IFT88: variants seen among roughly 807,000 people sequenced by gnomAD.
IFT88 encodes intraflagellar transport 88.
IFT88 carries 74 observed loss-of-function variants against 119.5 expected under a neutral mutation model. The ratio of observed to expected loss-of-function variants is 0.62; its 90% confidence interval spans 0.51 to 0.75. IFT88 has a LOEUF of 0.75. Among genes scored for constraint, IFT88 ranks in the 30% least tolerant of loss-of-function variants. The probability of loss-of-function intolerance (pLI) is 0.00; values close to 1 mark genes in which losing one functional copy is unlikely to be tolerated. For synonymous variants in IFT88, 279 were observed against 316.7 expected (o/e 0.88, Z 1.26); for missense variants, 961 against 977.7 (o/e 0.98, Z 0.23).
intron 21 of IFT88, among the ~76,000 whole-genome samples, chr13:20,655,296 G>A (rs1044900173): frequency 6.6e-6 from 1 of 151,928 alleles, no homozygotes; most frequent in Non-Finnish European, 1.5e-5. Context: ...GCTGGGCTTG[G>A]TGGTGCACGC....
At chr13:20,628,513 C>CT (rs1309915142) in intron 15 of IFT88, among the ~76,000 whole-genome samples, 1 of 152,076 alleles carries the variant, frequency 6.6e-6, no homozygotes, top group East Asian at 1.9e-4. Flanking sequence ...TTTGACTGAA[C>CT]TTTTATCAGT....
rs901490912 is a variant in IFT88, at chr13:20,607,604, C to A, written c.1112+2499C>A. On this transcript the variant is annotated intron_variant, in intron 13 of 25. Transcript: ENST00000351808. Reference sequence around the variant, plus strand: ...GGATCCACCATCTCCCGCTGCTCAACATCTTGGGCTGCCACGCTGTTTTTT... The same window carrying A: ...GGATCCACCATCTCCCGCTGCTCAAAATCTTGGGCTGCCACGCTGTTTTTT... 9 of 761,046 alleles carry A rather than the reference C, an allele frequency of 1.2e-5. No homozygotes were observed. In the African/African-American group the frequency reaches 1.4e-4, roughly 12 times the overall value. The allele number at this position is 761,046 out of a possible 1,614,324, so 47.1% of individuals were successfully genotyped here. A position where few individuals can be genotyped will look rare whatever the true frequency, so the allele number is the denominator to read the frequency against.
chr13:20,684,066 A>G (rs1480982452), intron 24 of IFT88, among the ~76,000 whole-genome samples: 1 of 152,230 alleles, frequency 6.6e-6, no homozygotes, highest in Non-Finnish European at 1.5e-5. Flanking sequence ...GTCCATATTG[A>G]TTAATAGCTG....
chr13:20,633,727 G>A (rs1169764407), intron 16 of IFT88, among the ~76,000 whole-genome samples: 1 of 152,122 alleles, frequency 6.6e-6, no homozygotes, highest in Non-Finnish European at 1.5e-5. Context: ...TCTTATACTT[G>A]GTTCTGAAGA....
rs528587128 is a variant in IFT88 at position 20,626,043 on chromosome 13, C to CTTTTTTTTTTTTT, written c.1299+217_1299+229dup. Among the ~76,000 whole-genome samples, 3 of 39,574 alleles carry CTTTTTTTTTTTTT rather than the reference C, an allele frequency of 7.6e-5. 1 individual carries two copies. Among genetic ancestry groups the CTTTTTTTTTTTTT allele is most frequent in the African/African-American group, 2.3e-4 (2 of 8,582 alleles). The allele number at this position is 39,574 out of a possible 152,430, so 26.0% of individuals were successfully genotyped here. On this transcript the variant is annotated intron_variant, in intron 15 of 25. Transcript: ENST00000351808. Reference sequence around the variant, plus strand: ...ATTAATTTTTGCCTGTTTGTCGTTTCTTTTTTTTTTTTTTTTTTTTTTTTT... The same window carrying CTTTTTTTTTTTTT: ...ATTAATTTTTGCCTGTTTGTCGTTTCTTTTTTTTTTTTTTTTTTTTTTTTTTTTTTTTTTTTTT...
rs114824966 is a variant in IFT88, at chr13:20,679,729, A to T, written c.2242+8690A>T. Among the ~76,000 whole-genome samples the T allele has an allele frequency of 2.0e-3, 302 of 152,366 alleles. 1 individual carries two copies. The highest frequency in any genetic ancestry group is 6.9e-3 in the African/African-American group (286 of 41,590). ...TGTGAGCCAATTCTAACATGTAATTAGGATTATATTGGGTTGGCTTAGTAT... is the reference window on the plus strand; with the variant it reads ...TGTGAGCCAATTCTAACATGTAATTTGGATTATATTGGGTTGGCTTAGTAT... On this transcript the variant is annotated intron_variant, in intron 24 of 25. Coordinates refer to ENST00000351808, the MANE Select transcript of IFT88 (RefSeq NM_006531.5).
At chr13:20,595,291 T>A (rs565295875) in intron 7 of IFT88, among the ~76,000 whole-genome samples, 5 of 152,206 alleles carry the variant, frequency 3.3e-5, no homozygotes, top group South Asian at 4.1e-4. Context: ...TATTTTTTTT[T>A]ATTTTTTTGA....
chr13:20,590,833 C>A, intron 4 of IFT88, 134 bp from the exon 5 acceptor site: 1 of 610,964 alleles, frequency 1.6e-6, no homozygotes, highest in Non-Finnish European at 2.9e-6. Flanking sequence ...TTACCCTATA[C>A]GCCCAGGAGG....
chr13:20,621,229 G>A (rs1171350228), intron 14 of IFT88, among the ~76,000 whole-genome samples: 1 of 152,058 alleles, frequency 6.6e-6, no homozygotes, highest in African/African-American at 2.4e-5. Flanking sequence ...ACCACACCTA[G>A]CAAAGTTTTG....
In IFT88 at chr13:20,644,891, G is replaced by T. The variant is rs143955467; in HGVS notation, c.1882G>T (p.Ala628Ser). Residue 628 changes from alanine (A) to serine (S), a missense_variant, in exon 20 of 26, where the codon GCC becomes TCC. Ala to Ser is a moderately conservative substitution (Grantham distance 99). Coordinates refer to ENST00000351808, the MANE Select transcript of IFT88 (RefSeq NM_006531.5). ...CNIEVIEWLGAYYIDTQFWEK... is the reference protein window; with the variant it reads ...CNIEVIEWLGSYYIDTQFWEK... ...TATTGAAGTCATTGAGTGGCTTGGAGCCTATTACATTGACACCCAATTTTG... is the reference window on the plus strand; with the variant it reads ...TATTGAAGTCATTGAGTGGCTTGGATCCTATTACATTGACACCCAATTTTG... 176 of 1,605,730 alleles carry T rather than the reference G, an allele frequency of 1.1e-4. No homozygotes were observed. Among genetic ancestry groups the T allele is most frequent in the Middle Eastern group, 1.0e-3 (6 of 5,856 alleles).
rs1185921949 is a variant in IFT88 at position 20,691,268 on chromosome 13, T to A, written c.*93T>A. On this transcript the variant is annotated 3_prime_UTR_variant, in exon 26 of 26. Coordinates refer to ENST00000351808, the MANE Select transcript of IFT88 (RefSeq NM_006531.5). ...ATTAAATATCTAACCTGTAATTATT[T>A]TTTTTCACTGTCAAAACTTAAGTAA... The A allele has an allele frequency of 7.2e-5, 87 of 1,210,120 alleles. No individual in the cohort carries two copies. The highest frequency in any genetic ancestry group is 8.9e-5 in the Non-Finnish European group (78 of 880,888). 75.0% of individuals were successfully genotyped at this position (1,210,120 alleles called of 1,614,324 possible).
chr13:20,640,566 G>A (rs1006974415), intron 17 of IFT88, among the ~76,000 whole-genome samples: 13 of 107,776 alleles, frequency 1.2e-4, no homozygotes, highest in Non-Finnish European at 2.3e-4. Context: ...GAGCGACTCC[G>A]TCTCAAAATA....
At chr13:20,658,363 G>A (rs558816357) in intron 22 of IFT88, among the ~76,000 whole-genome samples, 4 of 152,118 alleles carry the variant, frequency 2.6e-5, no homozygotes, top group South Asian at 2.1e-4. Flanking sequence ...TTGCAGGTGT[G>A]AGCCACCATG....
chr13:20,567,669 G>C, intron 1 of IFT88: 12 of 1,031,618 alleles, frequency 1.2e-5, no homozygotes, highest in Non-Finnish European at 1.2e-5. Context: ...TTTCTTGTTA[G>C]GTGAAGCACT....
chr13:20,625,804 A>C lies in IFT88; in HGVS notation c.1254A>C (p.Glu418Asp). The C allele has an allele frequency of 1.2e-6, 2 of 1,605,090 alleles. No homozygotes were observed. The highest frequency in any genetic ancestry group is 1.7e-6 in the Non-Finnish European group (2 of 1,178,014). ...SQYVELANDL[E>D]INKAVTYLRQ... ...ATGTAGAGCTAGCCAATGATCTGGA[A>C]ATAAACAAAGCAGTTACATACTTGA... The change falls in exon 15 of 26, where the codon GAA becomes GAC. Residue 418 changes from glutamate to aspartate, a missense_variant. Coordinates refer to ENST00000351808, the MANE Select transcript of IFT88 (RefSeq NM_006531.5).
At chr13:20,666,461 C>T (rs1319171073) in intron 23 of IFT88, among the ~76,000 whole-genome samples, 1 of 152,108 alleles carries the variant, frequency 6.6e-6, no homozygotes, top group Non-Finnish European at 1.5e-5. Context: ...TCTGGGTGGC[C>T]CATCCTGGAT....
intron 13 of IFT88, chr13:20,607,162 G>A (rs1862714062): frequency 1.0e-5 from 4 of 401,188 alleles, no homozygotes; most frequent in South Asian, 7.9e-5. Context: ...TACTGTACGT[G>A]GGGCTCCTGC....
intron 11 of IFT88, 42 bp from the exon 12 acceptor site, chr13:20,601,663 G>T (rs888873436): frequency 7.6e-7 from 1 of 1,320,172 alleles, no homozygotes; most frequent in African/African-American, 1.5e-5. Context: ...CCATACTAAA[G>T]AGTTCAGAAT....
chr13:20,621,526 TAAAAAAAAAAAAAAAAAAAA>T lies in IFT88; in HGVS notation c.1200-4212_1200-4193del, dbSNP rs200491393. On this transcript the variant is annotated intron_variant, in intron 14 of 25. Transcript: ENST00000351808. ...TCAATTTTCCCAAAACCTGCTGAGA[TAAAAAAAAAAAAAAAAAAAA>T]AAAAAAAAAAAGACTTTTTTAAAAA... 2.3e-3 allele frequency among the ~76,000 whole-genome samples: 303 copies of T among 130,498 alleles called. 1 individual carries two copies. The highest frequency in any genetic ancestry group is 4.2e-3 in the African/African-American group (134 of 31,546). The allele number at this position is 130,498 out of a possible 152,430, so 85.6% of individuals were successfully genotyped here.
Sources: allele counts gnomAD v4.1 joint callset (sites outside exome capture counted in the v4.1 genomes callset), GRCh38; gene constraint gnomAD v4.1.1; transcripts MANE v1.5; gene names NCBI Gene and HGNC (gene_info 2026-07-23, HGNC 2026-07-21).